The following HDX variants were observed in gnomAD, a reference collection of about 807,000 sequenced individuals.
The protein encoded by HDX is highly divergent homeobox, also known as chromosome X open reading frame 43.
In HDX, 19 loss-of-function variants were observed where a neutral mutation model predicts 45.2. The observed-to-expected ratio is 0.42, with a 90% CI of 0.29 to 0.62. The LOEUF (loss-of-function observed/expected upper bound fraction) is 0.62, where lower values mean the gene tolerates loss of function less well. Ranked by LOEUF, HDX falls within the 20% of genes least tolerant of loss-of-function variation. The pLI is 0.20. For missense variants in HDX, 532 were observed against 493.9 expected, an observed-to-expected ratio of 1.08 and a Z score of -0.73; for synonymous variants, 188 against 172.8, an observed-to-expected ratio of 1.09 and a Z score of -0.69.
In HDX at chrX:84,469,183, T is replaced by TGTC; in HGVS notation, c.537_539dup (p.Thr180dup). 1.7e-6 allele frequency: 2 copies of TGTC among 1,210,983 alleles called. No individual in the cohort carries two copies. The highest frequency in any genetic ancestry group is 2.2e-6 in the Non-Finnish European group (2 of 895,002). ...CTGAGTTTCCAGCATTTAGCACACTTGTCTGTCTTGACAAAATAATTGTTT... is the reference window on the plus strand; with the variant it reads ...CTGAGTTTCCAGCATTTAGCACACTTGTCGTCTGTCTTGACAAAATAATTGTTT... On this transcript the variant is annotated inframe_insertion, in exon 4 of 11. Transcript: ENST00000373177.
intron 2 of HDX, among the ~76,000 whole-genome samples, chrX:84,482,240 G>T (rs746801181): frequency 1.2e-4 from 13 of 111,372 alleles, no homozygotes; most frequent in Non-Finnish European, 2.1e-4. Flanking sequence ...TGATATTACT[G>T]GGTCAAATAA....
chrX:84,497,268 G>A (rs776510062), intron 1 of HDX, among the ~76,000 whole-genome samples: 18 of 111,396 alleles, frequency 1.6e-4, no homozygotes, highest in African/African-American at 2.3e-4. Context: ...ACAAATTTTC[G>A]GTCTATGAAA....
intron 4 of HDX, among the ~76,000 whole-genome samples, chrX:84,443,434 T>G (rs756134109): frequency 8.0e-5 from 9 of 111,829 alleles, no homozygotes; most frequent in Non-Finnish European, 1.7e-4. Context: ...GAGATGAGAC[T>G]GATTTAACAA....
chrX:84,452,601 C>A (rs1339816366), intron 4 of HDX, among the ~76,000 whole-genome samples: 1 of 106,864 alleles, frequency 9.4e-6, no homozygotes, highest in East Asian at 2.9e-4. Context: ...ATGACAAGGA[C>A]AAATAGCATG....
intron 6 of HDX, among the ~76,000 whole-genome samples, chrX:84,348,071 TTC>T (rs945075078): frequency 1.8e-5 from 2 of 111,745 alleles, no homozygotes; most frequent in African/African-American, 6.5e-5. Context: ...TTCCCTTTTT[TTC>T]TCTTTCTGGT....
At chrX:84,501,932 G>T (rs1044891091) in intron 1 of HDX, among the ~76,000 whole-genome samples, 1 of 111,775 alleles carries the variant, frequency 8.9e-6, no homozygotes, top group Non-Finnish European at 1.9e-5. Flanking sequence ...TACGCTCTCA[G>T]TGCCTTTGAG....
chrX:84,399,763 A>C (rs993411914), intron 5 of HDX, among the ~76,000 whole-genome samples: 9 of 111,338 alleles, frequency 8.1e-5, no homozygotes, highest in African/African-American at 1.6e-4. Flanking sequence ...CACACACACA[A>C]AAAAACTTCA....
chrX:84,390,224 T>C (rs1303710541), intron 5 of HDX, among the ~76,000 whole-genome samples: 1 of 111,289 alleles, frequency 9.0e-6, no homozygotes, highest in Admixed American at 9.6e-5. Flanking sequence ...ATTCAGTCTC[T>C]AGATTTAACC....
At chrX:84,332,461 C>G (rs754617583) in intron 9 of HDX, among the ~76,000 whole-genome samples, 4 of 111,245 alleles carry the variant, frequency 3.6e-5, no homozygotes, top group Non-Finnish European at 7.5e-5. Flanking sequence ...CCCTGCCCTC[C>G]TCTGGTTTTT....
intron 5 of HDX, among the ~76,000 whole-genome samples, chrX:84,397,114 G>T (rs1022928839): frequency 8.9e-6 from 1 of 112,117 alleles, no homozygotes; most frequent in Non-Finnish European, 1.9e-5. Context: ...TCTTCAACAT[G>T]CAGCAACTGA....
chrX:84,429,180 C>G (rs1207652382), intron 5 of HDX, among the ~76,000 whole-genome samples: 1 of 109,885 alleles, frequency 9.1e-6, no homozygotes. Flanking sequence ...ATTTTAATTA[C>G]CATATAAGTT....
chrX:84,440,692 A>G, intron 4 of HDX, 107 bp from the exon 5 acceptor site: 1 of 491,209 alleles, frequency 2.0e-6, no homozygotes, highest in South Asian at 3.4e-5. Flanking sequence ...ATCTGCATTC[A>G]GAACATATTC....
At chrX:84,483,339 A>G (rs1216871315) in intron 2 of HDX, among the ~76,000 whole-genome samples, 1 of 112,366 alleles carries the variant, frequency 8.9e-6, no homozygotes, top group Non-Finnish European at 1.9e-5. Flanking sequence ...AGGGACATCC[A>G]GACATTTTCA....
intron 8 of HDX, among the ~76,000 whole-genome samples, chrX:84,334,597 G>GA (rs911205325): frequency 1.3e-4 from 11 of 84,545 alleles, no homozygotes; most frequent in African/African-American, 1.8e-4. Flanking sequence ...CAGCGTTGAT[G>GA]AAAAAAAAAT....
chrX:84,440,663 A>G, intron 4 of HDX, 78 bp from the exon 5 acceptor site: 2 of 597,106 alleles, frequency 3.3e-6, no homozygotes, highest in African/African-American at 2.2e-5. Flanking sequence ...CAAAGATTTC[A>G]CACACTATTT....
chrX:84,326,361 T>G (rs1019369713), intron 9 of HDX, 61 bp from the exon 10 acceptor site: 32 of 841,266 alleles, frequency 3.8e-5, no homozygotes, highest in Non-Finnish European at 5.3e-5. Context: ...TATACATGTT[T>G]GATGCACAAT....
chrX:84,392,415 T>C (rs928792575), intron 5 of HDX, among the ~76,000 whole-genome samples: 4 of 111,208 alleles, frequency 3.6e-5, no homozygotes, highest in African/African-American at 9.8e-5. Flanking sequence ...ATTTGTTCCA[T>C]GCAAATTTTA....
intron 5 of HDX, among the ~76,000 whole-genome samples, chrX:84,419,545 T>C (rs988069072): frequency 9.2e-6 from 1 of 109,199 alleles, no homozygotes; most frequent in African/African-American, 3.4e-5. Context: ...ATTTCAAAGA[T>C]ATTGGACTCT....
chrX:84,387,577 A>G (rs768169862), intron 5 of HDX, among the ~76,000 whole-genome samples: 1 of 112,066 alleles, frequency 8.9e-6, no homozygotes, highest in East Asian at 2.8e-4. Context: ...TGTTATGCCC[A>G]TCATTGTCTT....
Sources: gnomAD v4.1 joint callset for allele counts (sites outside exome capture counted in the v4.1 genomes callset) on GRCh38, gnomAD v4.1.1 for gene constraint, MANE v1.5 for transcripts, NCBI Gene and HGNC (gene_info 2026-07-23, HGNC 2026-07-21) for gene names.